Variants in DYNC1H1 observed in about 807,000 individuals in gnomAD.
DYNC1H1 encodes the protein cytoplasmic dynein 1 heavy chain 1.
In DYNC1H1, 51 loss-of-function variants were observed where a neutral mutation model predicts 527.1. The observed-to-expected ratio is 0.10, with a 90% CI of 0.08 to 0.12. The LOEUF is 0.12. DYNC1H1 is among the 10% of genes least tolerant of loss of function. The pLI is 1.00. For synonymous variants in DYNC1H1, 2,189 were observed against 2,278.8 expected, an observed-to-expected ratio of 0.96 and a Z score of 1.12; for missense variants, 2,771 against 5,971.8, an observed-to-expected ratio of 0.46 and a Z score of 17.66.
chr14:102,043,472 T>C, intron 69 of DYNC1H1: 1 of 320,748 alleles, frequency 3.1e-6, no homozygotes, highest in South Asian at 2.7e-5. Flanking sequence ...TGGCAGGCAA[T>C]CTCCTCTCCC....
Position 102,016,701 on chromosome 14 carries a change from TAAAC to T in DYNC1H1, c.7615-60_7615-57del, listed in dbSNP as rs2152582567. The T allele has an allele frequency of 8.3e-6, 13 of 1,573,242 alleles. No individual in the cohort carries two copies. In the South Asian group the frequency reaches 1.5e-4, roughly 18 times the overall value. Reference sequence around the variant, plus strand: ...CTGAAAGTTCAAGTTTGTGTTCAGGTAAACAAACCTCGTGAGGAGGCACCTTGGT... The same window carrying T: ...CTGAAAGTTCAAGTTTGTGTTCAGGTAAACCTCGTGAGGAGGCACCTTGGT... On this transcript the variant is annotated intron_variant, in intron 37 of 77. Coordinates refer to ENST00000360184, the MANE Select transcript of DYNC1H1 (RefSeq NM_001376.5). This position sits in a 1 kb window ranked among gnomAD's most constrained non-coding sequence, Gnocchi z 7.3.
chr14:102,053,401 A>T lies in DYNC1H1; in HGVS notation c.*2838A>T, dbSNP rs1381311972. ...CTCAGCCTCCCAAGGTGCTGGGATT[A>T]CAGGTGTGAGCCACCACGCCTGGCC... is the stretch of plus-strand genomic sequence containing the variant. On this transcript the variant is annotated 3_prime_UTR_variant, in exon 78 of 78. Coordinates refer to ENST00000360184, the MANE Select transcript of DYNC1H1 (RefSeq NM_001376.5). 1 of 151,892 alleles carries T rather than the reference A, an allele frequency of 6.6e-6. No homozygotes were observed. Among genetic ancestry groups the T allele is most frequent in the African/African-American group, 2.4e-5 (1 of 41,296 alleles). 9.4% of individuals were successfully genotyped at this position (151,892 alleles called of 1,614,324 possible). A position where few individuals can be genotyped will look rare whatever the true frequency, so the allele number is the denominator to read the frequency against.
rs777623931 is a variant in DYNC1H1 at position 102,027,645 on chromosome 14, G to A, written c.9075G>A (p.Glu3025=). 19 of 1,614,054 alleles carry A rather than the reference G, an allele frequency of 1.2e-5. No individual in the cohort carries two copies. The highest frequency in any genetic ancestry group is 1.6e-5 in the Non-Finnish European group (19 of 1,180,030). ...GEVPGLFEGD[E]YATLMTQCKE... is the part of the protein sequence containing the mutation. The stretch of plus-strand genomic sequence containing the variant: ...TGCCTGGTCTCTTTGAAGGAGACGA[G>A]TATGCCACCTTGATGACGCAGTGCA... The change falls in exon 47 of 78, where the codon GAG becomes GAA. Residue 3025 remains glutamate, a synonymous_variant. Transcript: ENST00000360184. The surrounding 1 kb of genome is among the most constrained non-coding windows in gnomAD (Gnocchi z 7.7).
At chr14:101,972,314 G>A (rs1198858703) in intron 1 of DYNC1H1, among the ~76,000 whole-genome samples, 1 of 152,160 alleles carries the variant, frequency 6.6e-6, no homozygotes, top group East Asian at 1.9e-4. Context: ...ATGGGAGTCA[G>A]ACATACTCAA....
Position 102,001,361 on chromosome 14 carries a change from A to T in DYNC1H1, c.4395+7A>T, listed in dbSNP as rs1435954160. On this transcript the variant is annotated splice_region_variant and intron_variant, in intron 20 of 77. Transcript: ENST00000360184. This position sits in a 1 kb window ranked among gnomAD's most constrained non-coding sequence, Gnocchi z 5.0. ...GGAAGAATTTTTGAAGCAGGCGAGT[A>T]ATAGGACTGAACGGCTGCTTTACGT... 1.9e-6 allele frequency: 3 copies of T among 1,614,148 alleles called. No homozygotes were observed. The highest frequency in any genetic ancestry group is 2.5e-6 in the Non-Finnish European group (3 of 1,180,016).
At chr14:101,989,672 C>T (rs1479893908) in intron 10 of DYNC1H1, among the ~76,000 whole-genome samples, 5 of 152,014 alleles carry the variant, frequency 3.3e-5, no homozygotes, top group Admixed American at 6.5e-5. Context: ...TTATTTTTTT[C>T]CCTTACACTT....
Position 102,026,996 on chromosome 14 carries a change from C to T in DYNC1H1, c.8772-178C>T, listed in dbSNP as rs186200628. ...CTCATGTCAGTCTAGAGGACAGGAC[C>T]GTGTCTTACTGGTCTTTGCATTCCT... On this transcript the variant is annotated intron_variant, in intron 44 of 77. Coordinates refer to ENST00000360184, the MANE Select transcript of DYNC1H1 (RefSeq NM_001376.5). 1,094 of 851,286 alleles carry T rather than the reference C, an allele frequency of 1.3e-3. 20 individuals carry two copies. The Admixed American group carries it at 0.02, about 15-fold the overall frequency. The allele number at this position is 851,286 out of a possible 1,614,324, so 52.7% of individuals were successfully genotyped here.
Position 101,983,627 on chromosome 14 carries a change from A to G in DYNC1H1, c.1461+18A>G. The G allele has an allele frequency of 6.2e-7, 1 of 1,610,946 alleles. No individual in the cohort carries two copies. Among genetic ancestry groups the G allele is most frequent in the African/African-American group, 1.3e-5 (1 of 74,936 alleles). On this transcript the variant is annotated intron_variant, in intron 7 of 77. Coordinates refer to ENST00000360184, the MANE Select transcript of DYNC1H1 (RefSeq NM_001376.5). This position sits in a 1 kb window ranked among gnomAD's most constrained non-coding sequence, Gnocchi z 5.3. Reference sequence around the variant, plus strand: ...GGCCACAGGTAAGATTTGCATTCTAAAAGTTTGTGTTTTGTTTTTGTTTTT... The same window carrying G: ...GGCCACAGGTAAGATTTGCATTCTAGAAGTTTGTGTTTTGTTTTTGTTTTT...
intron 72 of DYNC1H1, among the ~76,000 whole-genome samples, chr14:102,046,569 G>A (rs988063066): frequency 3.3e-5 from 5 of 152,178 alleles, no homozygotes; most frequent in African/African-American, 4.8e-5. Context: ...CACAAGGCTC[G>A]GGGTAATCCC....
At position 101,964,814 on chromosome 14, in the gene DYNC1H1, G is replaced by C. The variant is rs1260546515; in HGVS notation, c.123G>C (p.Leu41=). The part of the protein sequence containing the change: ...QKHLRKLVPL[L]LEDGGEAPAA... ...ACCTGCGCAAGCTGGTGCCGCTGCT[G>C]CTGGAGGACGGCGGCGAGGCGCCGG... The change falls in exon 1 of 78, where the codon CTG becomes CTC. Residue 41 remains leucine (L), a synonymous_variant. Coordinates refer to ENST00000360184, the MANE Select transcript of DYNC1H1 (RefSeq NM_001376.5). This position sits in a 1 kb window ranked among gnomAD's most constrained non-coding sequence, Gnocchi z 5.5. 6.2e-7 allele frequency: 1 copy of C among 1,604,224 alleles called. No homozygotes were observed. The highest frequency in any genetic ancestry group is 8.5e-7 in the Non-Finnish European group (1 of 1,176,576).
Position 102,016,022 on chromosome 14 carries a change from C to G in DYNC1H1, c.7409C>G (p.Ala2470Gly), listed in dbSNP as rs774419538. Reference sequence around the variant, plus strand: ...CTGCACCAGGCCTGCCGCAACGTGGCGCAGTATAACGCCAACCATCCCGAC... The same window carrying G: ...CTGCACCAGGCCTGCCGCAACGTGGGGCAGTATAACGCCAACCATCCCGAC... ...SMLHQACRNV[A>G]QYNANHPDFP... The change falls in exon 36 of 78, where the codon GCG (alanine) becomes GGG (glycine). Residue 2470 changes from alanine to glycine, a missense_variant. Transcript: ENST00000360184. The surrounding 1 kb of genome is among the most constrained non-coding windows in gnomAD (Gnocchi z 7.3). 1.2e-6 allele frequency: 2 copies of G among 1,613,626 alleles called. No individual in the cohort carries two copies. Among genetic ancestry groups the G allele is most frequent in the Non-Finnish European group, 1.7e-6 (2 of 1,179,938 alleles).
At chr14:102,034,275 T>C (rs772893883) in intron 55 of DYNC1H1, 50 bp from the exon 56 acceptor site, 1 of 1,614,018 alleles carries the variant, frequency 6.2e-7, no homozygotes, top group Non-Finnish European at 8.5e-7. Flanking sequence ...TTGAGAACAG[T>C]CCCATCTGTG....
At chr14:102,046,538 T>C (rs921670261) in intron 72 of DYNC1H1, among the ~76,000 whole-genome samples, 13 of 149,080 alleles carry the variant, frequency 8.7e-5, no homozygotes, top group African/African-American at 3.2e-4. Context: ...GCTGGGCGGG[T>C]CTGGAGCACA....
chr14:101,998,498 A>G (rs1465296557), intron 16 of DYNC1H1, among the ~76,000 whole-genome samples: 2 of 152,252 alleles, frequency 1.3e-5, no homozygotes, highest in Non-Finnish European at 2.9e-5. Context: ...TTTAGGGAAT[A>G]TAAGCATAGA....
Position 101,983,863 on chromosome 14 carries a change from G to C in DYNC1H1, c.1461+254G>C, listed in dbSNP as rs1174205448. On this transcript the variant is annotated intron_variant, in intron 7 of 77. Coordinates refer to ENST00000360184, the MANE Select transcript of DYNC1H1 (RefSeq NM_001376.5). The surrounding 1 kb of genome is among the most constrained non-coding windows in gnomAD (Gnocchi z 5.3). The stretch of plus-strand genomic sequence containing the variant: ...CGGCTAATTGTTTATATTTTGAGTA[G>C]AGACAGGCTTTTACCATGTTGGCCA... Among the ~76,000 whole-genome samples, 1 of 152,038 alleles carries C rather than the reference G, an allele frequency of 6.6e-6. No homozygotes were observed. The highest frequency in any genetic ancestry group is 2.1e-4 in the South Asian group (1 of 4,818).
chr14:101,987,714 G>A (rs910887102), intron 9 of DYNC1H1, 82 bp downstream of exon 9: 2 of 1,510,444 alleles, frequency 1.3e-6, no homozygotes, highest in African/African-American at 1.4e-5. Context: ...TCACTAAAAA[G>A]CATTTTTCCT....
In DYNC1H1 at chr14:101,964,940, G is replaced by A; in HGVS notation, c.249G>A (p.Thr83=). 6.3e-7 allele frequency: 1 copy of A among 1,596,262 alleles called. No individual in the cohort carries two copies. The stretch of plus-strand genomic sequence containing the variant: ...ACACGGTGCTGGTGGAGCGCTCCAC[G>A]CTCAAAGGTGCGGGGCCGCGGAGGG... ...QVHTVLVERS[T]LKEDVGDEGE... Residue 83 remains threonine (T), a synonymous_variant, in exon 1 of 78, where the codon ACG becomes ACA. Transcript: ENST00000360184. This position sits in a 1 kb window ranked among gnomAD's most constrained non-coding sequence, Gnocchi z 5.5.
chr14:101,975,139 C>G (rs1331270081), intron 1 of DYNC1H1, among the ~76,000 whole-genome samples: 1 of 152,190 alleles, frequency 6.6e-6, no homozygotes, highest in Non-Finnish European at 1.5e-5. Flanking sequence ...TCTGAATTCT[C>G]ACATTGTTGC....
chr14:102,040,167 C>T, intron 62 of DYNC1H1, 69 bp from the exon 63 acceptor site: 2 of 1,594,880 alleles, frequency 1.3e-6, no homozygotes, highest in Non-Finnish European at 1.7e-6. Flanking sequence ...TCTTAAATCA[C>T]AGCTGTTATC....
Sources: allele counts gnomAD v4.1 joint callset (sites outside exome capture counted in the v4.1 genomes callset), GRCh38; gene constraint gnomAD v4.1.1; non-coding constraint Gnocchi (gnomAD v3.1); transcripts MANE v1.5; gene names NCBI Gene and HGNC (gene_info 2026-07-23, HGNC 2026-07-21).